Variants in NRG1 observed in about 807,000 individuals in gnomAD.
The protein encoded by NRG1 is pro-neuregulin-1, membrane-bound isoform.
A neutral mutation model predicts 63.8 loss-of-function variants in NRG1; 18 were observed. The observed-to-expected ratio is 0.28, with a 90% CI of 0.19 to 0.42. The LOEUF (loss-of-function observed/expected upper bound fraction) is 0.42, where lower values mean the gene tolerates loss of function less well. NRG1 is among the 10% of genes least tolerant of loss of function. The probability of loss-of-function intolerance (pLI) is 1.00; values close to 1 mark genes in which losing one functional copy is unlikely to be tolerated. For synonymous variants in NRG1, 302 were observed against 301.3 expected, an observed-to-expected ratio of 1.00 and a Z score of -0.02; for missense variants, 762 against 814.7, an observed-to-expected ratio of 0.94 and a Z score of 0.79.
chr8:32,073,026 A>G (rs1042686420), intron 1 of NRG1, among the ~76,000 whole-genome samples: 2 of 152,202 alleles, frequency 1.3e-5, no homozygotes, highest in Admixed American at 1.3e-4. Flanking sequence ...AAATTGGTCA[A>G]AGAGATAGCC....
At chr8:32,677,710 A>T (rs1233848724) in intron 5 of NRG1, among the ~76,000 whole-genome samples, 2 of 152,150 alleles carry the variant, frequency 1.3e-5, no homozygotes, top group East Asian at 3.9e-4. Context: ...ATTTTTTCTA[A>T]AATTTCTCCC....
At chr8:32,214,244 A>G (rs1389789032) in intron 1 of NRG1, among the ~76,000 whole-genome samples, 1 of 152,140 alleles carries the variant, frequency 6.6e-6, no homozygotes, top group Non-Finnish European at 1.5e-5. Context: ...AATAATCCCA[A>G]TGCCAAAGTG....
At chr8:32,317,246 C>T (rs775448053) in intron 1 of NRG1, among the ~76,000 whole-genome samples, 1 of 152,166 alleles carries the variant, frequency 6.6e-6, no homozygotes, top group African/African-American at 2.4e-5. Context: ...TTTGAAGCAT[C>T]TCTGCTTACG....
At chr8:31,863,774 T>C (rs1210254056) in intron 1 of NRG1, among the ~76,000 whole-genome samples, 1 of 152,214 alleles carries the variant, frequency 6.6e-6, no homozygotes, top group African/African-American at 2.4e-5. Flanking sequence ...GAAAGCCTTC[T>C]AGACATTTCT....
chr8:32,721,898 A>G (rs1015779297), intron 5 of NRG1: 45 of 1,444,112 alleles, frequency 3.1e-5, no homozygotes, highest in Non-Finnish European at 4.0e-5. Context: ...TTTTTTCCCC[A>G]GTAGGAGTTC....
chr8:32,151,928 AAGAG>A (rs79906782), intron 1 of NRG1, among the ~76,000 whole-genome samples: 1 of 152,134 alleles, frequency 6.6e-6, no homozygotes, highest in South Asian at 2.1e-4. Context: ...GCGCTTCAGA[AAGAG>A]AGAGAGAGAA....
chr8:31,747,726 A>G (rs1426701614), intron 1 of NRG1, among the ~76,000 whole-genome samples: 1 of 151,942 alleles, frequency 6.6e-6, no homozygotes, highest in Non-Finnish European at 1.5e-5. Flanking sequence ...TGTCAACTCG[A>G]TTAACACAGG....
intron 1 of NRG1, among the ~76,000 whole-genome samples, chr8:32,415,104 T>C (rs1276222469): frequency 6.6e-6 from 1 of 152,124 alleles, no homozygotes; most frequent in Non-Finnish European, 1.5e-5. Context: ...TGTGGGGGAA[T>C]GTGTTCTATA....
At chr8:32,437,172 C>T (rs765484543) in intron 1 of NRG1, among the ~76,000 whole-genome samples, 3 of 152,062 alleles carry the variant, frequency 2.0e-5, no homozygotes, top group Non-Finnish European at 4.4e-5. Context: ...TTTAACCTTG[C>T]TAACACCTAC....
intron 1 of NRG1, among the ~76,000 whole-genome samples, chr8:32,388,759 A>C (rs1434683759): frequency 6.6e-6 from 1 of 151,982 alleles, no homozygotes; most frequent in African/African-American, 2.4e-5. Context: ...GCCTTTTCTC[A>C]TAATGACCTG....
chr8:32,371,959 TTTTC>T (rs144521916), intron 1 of NRG1, among the ~76,000 whole-genome samples: 37,466 of 148,918 alleles, frequency 0.25, 5,115 homozygotes, highest in Middle Eastern at 0.33. Flanking sequence ...ACCACAATTT[TTTTC>T]TTTCTTTCTT....
intron 1 of NRG1, among the ~76,000 whole-genome samples, chr8:31,760,870 C>T (rs1276805224): frequency 1.3e-5 from 2 of 152,092 alleles, no homozygotes; most frequent in Non-Finnish European, 2.9e-5. Flanking sequence ...TAAACTAGTT[C>T]AACCATTGTG....
At chr8:32,558,230 A>G (rs139339818) in intron 1 of NRG1, among the ~76,000 whole-genome samples, 1 of 152,166 alleles carries the variant, frequency 6.6e-6, no homozygotes, top group Non-Finnish European at 1.5e-5. Context: ...TCTACATTGG[A>G]CTGTGCATGG....
At chr8:32,324,501 A>G (rs1801776373) in intron 1 of NRG1, among the ~76,000 whole-genome samples, 1 of 152,136 alleles carries the variant, frequency 6.6e-6, no homozygotes, top group South Asian at 2.1e-4. Context: ...GAATGGGTGG[A>G]GGCTTCTAAC....
At chr8:31,777,183 A>C (rs1050957883) in intron 1 of NRG1, among the ~76,000 whole-genome samples, 8 of 152,236 alleles carry the variant, frequency 5.3e-5, no homozygotes, top group African/African-American at 1.9e-4. Context: ...GTCTTGGAGA[A>C]AACAGTCAAG....
intron 1 of NRG1, among the ~76,000 whole-genome samples, chr8:31,766,313 T>A (rs2131546030): frequency 6.6e-6 from 1 of 152,330 alleles, no homozygotes; most frequent in Non-Finnish European, 1.5e-5. Context: ...CTGTCGTAGA[T>A]AAGTGTCTTC....
chr8:32,242,966 T>C (rs1848254057), intron 1 of NRG1, among the ~76,000 whole-genome samples: 1 of 152,110 alleles, frequency 6.6e-6, no homozygotes, highest in Non-Finnish European at 1.5e-5. Flanking sequence ...AAGTCCAAAA[T>C]CACAGTGTTG....
At chr8:32,344,376 TTCTTTCTC>T (rs1563338175) in intron 1 of NRG1, among the ~76,000 whole-genome samples, 19 of 131,478 alleles carry the variant, frequency 1.4e-4, no homozygotes, top group South Asian at 8.2e-4. Context: ...CTTTCTTTCT[TTCTTTCTC>T]TTTCTTTCTT....
At chr8:31,808,577 A>G (rs1483078764) in intron 1 of NRG1, among the ~76,000 whole-genome samples, 1 of 151,706 alleles carries the variant, frequency 6.6e-6, no homozygotes, top group African/African-American at 2.4e-5. Context: ...TTCTTCTTCC[A>G]TCTTTTTTAA....
Sources: allele counts gnomAD v4.1 joint callset (sites outside exome capture counted in the v4.1 genomes callset), GRCh38; gene constraint gnomAD v4.1.1; transcripts MANE v1.5; gene names NCBI Gene and HGNC (gene_info 2026-07-23, HGNC 2026-07-21).